Variants in WDPCP observed in about 807,000 individuals in gnomAD.
The protein encoded by WDPCP is WD repeat-containing and planar cell polarity effector protein fritz homolog.
Under a neutral mutation model 93.1 loss-of-function variants are expected in WDPCP, and 71 were observed. That is an observed-to-expected ratio of 0.76 (90% confidence interval 0.63 to 0.93). The LOEUF is 0.93. WDPCP is among the 40% of genes least tolerant of loss of function. The pLI, the probability that WDPCP is intolerant of heterozygous loss-of-function variation, is 0.00. For synonymous variants in WDPCP, 315 were observed against 315.0 expected, an observed-to-expected ratio of 1.00 and a Z score of 0.00; for missense variants, 844 against 887.4, an observed-to-expected ratio of 0.95 and a Z score of 0.62.
chr2:63,326,000 T>A (rs1687503348), intron 12 of WDPCP, among the ~76,000 whole-genome samples: 1 of 152,182 alleles, frequency 6.6e-6, no homozygotes, highest in South Asian at 2.1e-4. Flanking sequence ...GACCTCACTG[T>A]TTACAGGTAG....
At chr2:63,140,553 TA>T (rs1242757598) in intron 17 of WDPCP, among the ~76,000 whole-genome samples, 2 of 71,992 alleles carry the variant, frequency 2.8e-5, no homozygotes, top group African/African-American at 1.2e-4. Flanking sequence ...TATTCCTAAG[TA>T]TTTTTTTTTT....
At chr2:63,367,795 G>C (rs1406852966) in intron 12 of WDPCP, among the ~76,000 whole-genome samples, 1 of 152,174 alleles carries the variant, frequency 6.6e-6, no homozygotes, top group Non-Finnish European at 1.5e-5. Context: ...TTGAATTAAT[G>C]GGAGGGCTTT....
intron 1 of WDPCP, among the ~76,000 whole-genome samples, chr2:63,554,765 T>C (rs891399149): frequency 2.3e-4 from 35 of 152,228 alleles, no homozygotes; most frequent in African/African-American, 7.9e-4. Context: ...GGTGATTGAG[T>C]CCTGAACCAA....
chr2:63,495,609 G>C (rs1449092091), intron 1 of WDPCP, among the ~76,000 whole-genome samples: 1 of 152,110 alleles, frequency 6.6e-6, no homozygotes, highest in Non-Finnish European at 1.5e-5. Flanking sequence ...TAATTTCTCA[G>C]CTTAGTAGCT....
intron 12 of WDPCP, among the ~76,000 whole-genome samples, chr2:63,317,052 A>G (rs1360205227): frequency 6.6e-6 from 1 of 152,228 alleles, no homozygotes; most frequent in Non-Finnish European, 1.5e-5. Flanking sequence ...GAGATGACAT[A>G]AACAATTGGA....
chr2:63,496,809 T>C (rs935491553), intron 1 of WDPCP, among the ~76,000 whole-genome samples: 4 of 152,050 alleles, frequency 2.6e-5, no homozygotes, highest in Non-Finnish European at 5.9e-5. Flanking sequence ...AGGGAATCTA[T>C]CATATAAGGA....
chr2:63,477,357 AGCTGG>A (rs1700029231), intron 6 of WDPCP, among the ~76,000 whole-genome samples: 1 of 152,210 alleles, frequency 6.6e-6, no homozygotes, highest in African/African-American at 2.4e-5. Flanking sequence ...TATATTAAAT[AGCTGG>A]TAAAACTAAA....
chr2:63,273,740 G>T (rs1682845072), intron 13 of WDPCP, among the ~76,000 whole-genome samples: 1 of 151,998 alleles, frequency 6.6e-6, no homozygotes, highest in Admixed American at 6.6e-5. Flanking sequence ...AGGTGATTAT[G>T]TAATGATGAA....
At chr2:63,332,152 CTAA>C (rs955737095) in intron 12 of WDPCP, among the ~76,000 whole-genome samples, 3 of 150,434 alleles carry the variant, frequency 2.0e-5, no homozygotes, top group East Asian at 1.9e-4. Context: ...TCCAACCATT[CTAA>C]TAATATTCTA....
intron 12 of WDPCP, among the ~76,000 whole-genome samples, chr2:63,365,964 T>C (rs1219719111): frequency 6.6e-6 from 1 of 152,170 alleles, no homozygotes; most frequent in Non-Finnish European, 1.5e-5. Context: ...TTGGAAAATT[T>C]TGAACCCACT....
intron 17 of WDPCP, among the ~76,000 whole-genome samples, chr2:63,142,848 G>A (rs74526536): frequency 0.43 from 62,588 of 146,816 alleles, 13,411 homozygotes; most frequent in East Asian, 0.56. Flanking sequence ...GTGTGTGTGT[G>A]TACACACATA....
chr2:63,342,487 T>C (rs1688914841), intron 12 of WDPCP, among the ~76,000 whole-genome samples: 1 of 152,224 alleles, frequency 6.6e-6, no homozygotes, highest in Admixed American at 6.5e-5. Context: ...TTTTTTCCAG[T>C]GTACCATTTT....
At chr2:63,614,265 T>A (rs111570009) in intron 3 of WDPCP, among the ~76,000 whole-genome samples, 2 of 152,226 alleles carry the variant, frequency 1.3e-5, no homozygotes. Context: ...ATATTTTGTA[T>A]GGCTTCTGTA....
At chr2:63,272,537 C>T (rs1169221273) in intron 13 of WDPCP, among the ~76,000 whole-genome samples, 1 of 151,964 alleles carries the variant, frequency 6.6e-6, no homozygotes. Flanking sequence ...AAAGAGGATT[C>T]AAAATAAAAA....
chr2:63,321,293 T>A (rs1404248648), intron 12 of WDPCP, among the ~76,000 whole-genome samples: 3 of 152,036 alleles, frequency 2.0e-5, no homozygotes, highest in Non-Finnish European at 4.4e-5. Flanking sequence ...AATATCAGTC[T>A]GAAGTACTGA....
chr2:63,443,774 G>A (rs1464739026), intron 6 of WDPCP, among the ~76,000 whole-genome samples: 2 of 152,142 alleles, frequency 1.3e-5, no homozygotes, highest in African/African-American at 4.8e-5. Context: ...AATGATAAGT[G>A]GGCAGACTTG....
At chr2:63,410,278 T>G (rs541741053) in intron 9 of WDPCP, among the ~76,000 whole-genome samples, 1 of 152,196 alleles carries the variant, frequency 6.6e-6, no homozygotes, top group African/African-American at 2.4e-5. Flanking sequence ...AAGTATCATA[T>G]GTGAATGAAA....
chr2:63,417,352 T>C (rs1203375465), intron 9 of WDPCP, among the ~76,000 whole-genome samples: 1 of 152,202 alleles, frequency 6.6e-6, no homozygotes, highest in Non-Finnish European at 1.5e-5. Context: ...GTAGTTGGCA[T>C]ATGGTAGTAG....
intron 3 of WDPCP, chr2:63,607,230 G>A (rs1709550747): frequency 3.9e-6 from 1 of 257,372 alleles, no homozygotes; most frequent in African/African-American, 2.3e-5. Context: ...CTAATATTTA[G>A]TGTCTATTCA....
Sources: allele counts gnomAD v4.1 joint callset (sites outside exome capture counted in the v4.1 genomes callset), GRCh38; gene constraint gnomAD v4.1.1; transcripts MANE v1.5; gene names NCBI Gene and HGNC (gene_info 2026-07-23, HGNC 2026-07-21).